CSMD2: variants seen among roughly 807,000 people sequenced by gnomAD.
CSMD2 encodes the protein CUB and sushi domain-containing protein 2.
A neutral mutation model predicts 398.5 loss-of-function variants in CSMD2; 130 were observed. That is an observed-to-expected ratio of 0.33 (90% confidence interval 0.28 to 0.38). The LOEUF is 0.38. Ranked by LOEUF, CSMD2 falls within the 10% of genes least tolerant of loss-of-function variation. CSMD2 has a pLI of 1.00. For synonymous variants in CSMD2, 1,828 were observed against 1,908.5 expected (o/e 0.96, Z 1.10); for missense variants, 3,829 against 4,764.9 (o/e 0.80, Z 5.78).
At chr1:33,785,198 C>T (rs906780504) in intron 12 of CSMD2, among the ~76,000 whole-genome samples, 1 of 152,214 alleles carries the variant, frequency 6.6e-6, no homozygotes, top group East Asian at 1.9e-4. Flanking sequence ...AAATGTTGGT[C>T]ACATAACAAA....
At position 33,756,649 on chromosome 1, in the gene CSMD2, C is replaced by T. The variant is rs115695053; in HGVS notation, c.1847-13043G>A. 2.3e-3 allele frequency among the ~76,000 whole-genome samples: 354 copies of T among 152,260 alleles called. 1 individual carries two copies. Among genetic ancestry groups the T allele is most frequent in the African/African-American group, 7.8e-3 (326 of 41,556 alleles). On this transcript the variant is annotated intron_variant, in intron 13 of 70. Coordinates refer to ENST00000373381, the MANE Select transcript of CSMD2 (RefSeq NM_001281956.2). ...GGGAGGCCAGCATGGTAGGTAGAAG[C>T]AGGGTGACAGATGGAGCAAGGAACA...
chr1:34,151,776 CCTCCCTCA>C (rs1029242830), intron 1 of CSMD2, among the ~76,000 whole-genome samples: 2 of 151,794 alleles, frequency 1.3e-5, no homozygotes, highest in African/African-American at 4.8e-5. Flanking sequence ...TTTCTTCTTT[CCTCCCTCA>C]CTCCCTTGCT....
At chr1:33,660,842 C>T (rs866366979) in intron 26 of CSMD2, among the ~76,000 whole-genome samples, 2 of 152,168 alleles carry the variant, frequency 1.3e-5, no homozygotes, top group Admixed American at 6.5e-5. Context: ...ATGAGAGAGT[C>T]GGGAGGCATG....
Position 33,847,141 on chromosome 1 carries a change from C to G in CSMD2, c.921-145G>C, listed in dbSNP as rs1638315377. The G allele has an allele frequency of 2.2e-5, 12 of 544,898 alleles. No individual in the cohort carries two copies. In the South Asian group the frequency reaches 2.9e-4, roughly 13 times the overall value. 33.8% of individuals were successfully genotyped at this position (544,898 alleles called of 1,614,324 possible). ...GAAGGGAAGGCGGTGTTGCCCCAGG[C>G]CCCTCCAGTACCCTAGGCCTGAGCA... is the stretch of plus-strand genomic sequence containing the variant. On this transcript the variant is annotated intron_variant, in intron 5 of 70. Transcript: ENST00000373381.
At chr1:33,979,249 C>A (rs1646078399) in intron 3 of CSMD2, among the ~76,000 whole-genome samples, 1 of 152,232 alleles carries the variant, frequency 6.6e-6, no homozygotes, top group Admixed American at 6.5e-5. Flanking sequence ...CCCGTCACAG[C>A]TGCCCAGGTT....
At chr1:33,854,862 C>T (rs527324109) in intron 5 of CSMD2, among the ~76,000 whole-genome samples, 37 of 152,190 alleles carry the variant, frequency 2.4e-4, no homozygotes, top group Non-Finnish European at 3.4e-4. Context: ...TGGCTGTTGC[C>T]GGGATGAGGG....
chr1:33,862,459 T>C (rs2125117764), intron 5 of CSMD2: 1 of 151,792 alleles, frequency 6.6e-6, no homozygotes, highest in South Asian at 2.1e-4. Flanking sequence ...TCATGTCCCA[T>C]CTTTTGATCT....
intron 5 of CSMD2, chr1:33,884,538 A>G (rs1641455907): frequency 6.6e-6 from 1 of 152,190 alleles, no homozygotes. Context: ...CCCTCCTCTC[A>G]GTCTCCACTA....
At chr1:33,799,181 AT>A (rs1374562967) in intron 10 of CSMD2, among the ~76,000 whole-genome samples, 2 of 152,228 alleles carry the variant, frequency 1.3e-5, no homozygotes, top group African/African-American at 4.8e-5. Flanking sequence ...GTTAAGAATG[AT>A]TTTTTACACT....
chr1:34,071,662 C>T (rs186726014), intron 2 of CSMD2, among the ~76,000 whole-genome samples: 1 of 152,256 alleles, frequency 6.6e-6, no homozygotes, highest in East Asian at 1.9e-4. Context: ...AAATATTGTC[C>T]CTAGCTAGGC....
chr1:34,119,249 A>G (rs940693053), intron 1 of CSMD2, among the ~76,000 whole-genome samples: 5 of 152,188 alleles, frequency 3.3e-5, no homozygotes, highest in Admixed American at 2.6e-4. Context: ...CCCTTACCAT[A>G]TACCATATAT....
At chr1:33,955,039 A>G (rs79711303) in intron 3 of CSMD2, among the ~76,000 whole-genome samples, 210 of 152,306 alleles carry the variant, frequency 1.4e-3, no homozygotes, top group African/African-American at 4.8e-3. Context: ...CAAGGTGTTC[A>G]TTTATCACCC....
chr1:33,659,233 T>G (rs530239142), intron 26 of CSMD2, among the ~76,000 whole-genome samples: 1 of 152,248 alleles, frequency 6.6e-6, no homozygotes, highest in African/African-American at 2.4e-5. Context: ...AAGGAATACA[T>G]AAATAGGAGA....
intron 25 of CSMD2, among the ~76,000 whole-genome samples, chr1:33,691,280 G>A (rs1645230952): frequency 6.6e-6 from 1 of 152,142 alleles, no homozygotes; most frequent in African/African-American, 2.4e-5. Flanking sequence ...GCGTGGGGTG[G>A]CCATGGAATC....
intron 32 of CSMD2, among the ~76,000 whole-genome samples, chr1:33,631,431 T>C (rs1254307958): frequency 6.6e-6 from 1 of 152,130 alleles, no homozygotes; most frequent in African/African-American, 2.4e-5. Context: ...TATTTGCAGA[T>C]GATATTACTT....
rs778057773 is a variant in CSMD2, at chr1:33,567,561, C to T, written c.8380+32G>A. The T allele has an allele frequency of 3.6e-5, 58 of 1,610,230 alleles. 1 individual carries two copies. Among genetic ancestry groups the T allele is most frequent in the South Asian group, 5.5e-5 (5 of 90,866 alleles). Reference sequence around the variant, plus strand: ...AGAAAGTCCATGTTGAATCTGAGCCCCATGACTAGGGAGAGTGGATGACAT... The same window carrying T: ...AGAAAGTCCATGTTGAATCTGAGCCTCATGACTAGGGAGAGTGGATGACAT... On this transcript the variant is annotated intron_variant, in intron 53 of 70. Coordinates refer to ENST00000373381, the MANE Select transcript of CSMD2 (RefSeq NM_001281956.2).
At chr1:33,606,359 G>A (rs375350455) in intron 41 of CSMD2, among the ~76,000 whole-genome samples, 2 of 152,234 alleles carry the variant, frequency 1.3e-5, no homozygotes, top group African/African-American at 2.4e-5. Flanking sequence ...TTTCTCATAC[G>A]TAATAACAAC....
At chr1:33,999,256 G>A (rs556020134) in intron 3 of CSMD2, among the ~76,000 whole-genome samples, 7 of 152,282 alleles carry the variant, frequency 4.6e-5, no homozygotes, top group East Asian at 1.9e-4. Context: ...TGGAGAGGAC[G>A]GGCAGTGGGA....
Position 33,572,493 on chromosome 1 carries a change from C to T in CSMD2, c.7762+13G>A, listed in dbSNP as rs764138292. The stretch of plus-strand genomic sequence containing the variant: ...CCCTTCCTTACACCCGCCTCCATTG[C>T]CCGAGGACTCACGGACACACTGTGG... On this transcript the variant is annotated intron_variant, in intron 50 of 70. Coordinates refer to ENST00000373381, the MANE Select transcript of CSMD2 (RefSeq NM_001281956.2). 24 of 1,571,732 alleles carry T rather than the reference C, an allele frequency of 1.5e-5. No homozygotes were observed. The Admixed American group carries it at 4.1e-4, about 27-fold the overall frequency.
Sources: allele counts gnomAD v4.1 joint callset (sites outside exome capture counted in the v4.1 genomes callset), GRCh38; gene constraint gnomAD v4.1.1; transcripts MANE v1.5; gene names NCBI Gene and HGNC (gene_info 2026-07-23, HGNC 2026-07-21).